The following RAB38 variants were observed in gnomAD, a reference collection of about 807,000 sequenced individuals.
RAB38 encodes ras-related protein Rab-38.
RAB38 carries 15 observed loss-of-function variants against 18.4 expected under a neutral mutation model. The observed-to-expected ratio is 0.82, with a 90% CI of 0.55 to 1.26. RAB38 has a LOEUF of 1.26. Among genes scored for constraint, RAB38 ranks in the 50% most tolerant of loss-of-function variants. RAB38 has a pLI of 0.00. For missense variants in RAB38, 294 were observed against 267.4 expected (o/e 1.10, Z -0.69); for synonymous variants, 101 against 104.4 (o/e 0.97, Z 0.20).
the RAB38 span, among the ~76,000 whole-genome samples, chr11:87,873,136 A>G: frequency 6.6e-6 from 1 of 151,574 alleles, no homozygotes; most frequent in Admixed American, 6.6e-5. Context: ...TCAATTTTTG[A>G]CAGTCTAACA....
the RAB38 span, among the ~76,000 whole-genome samples, chr11:87,878,272 AT>A: frequency 8.8e-6 from 1 of 113,838 alleles, no homozygotes; most frequent in Non-Finnish European, 1.8e-5. Flanking sequence ...CTATCTATCT[AT>A]CTATCTATCT....
the RAB38 span, among the ~76,000 whole-genome samples, chr11:88,006,596 T>C: frequency 7.3e-6 from 1 of 137,414 alleles, no homozygotes. Context: ...ATGTATATAA[T>C]ATATATACAC....
the RAB38 span, among the ~76,000 whole-genome samples, chr11:87,833,420 T>C: frequency 6.6e-6 from 1 of 152,174 alleles, no homozygotes; most frequent in Non-Finnish European, 1.5e-5. Context: ...AGCTTTCTCC[T>C]TCCTTTTTCC....
chr11:88,096,229 C>T, the RAB38 span, among the ~76,000 whole-genome samples: 1 of 151,898 alleles, frequency 6.6e-6, no homozygotes, highest in Non-Finnish European at 1.5e-5. Flanking sequence ...TCAGTGTCTT[C>T]AGGTCACATT....
chr11:87,922,778 T>C, the RAB38 span, among the ~76,000 whole-genome samples: 2 of 146,426 alleles, frequency 1.4e-5, no homozygotes, highest in African/African-American at 5.1e-5. Flanking sequence ...AGGAATAAAA[T>C]AAATAAGAAA....
the RAB38 span, among the ~76,000 whole-genome samples, chr11:87,959,863 C>A: frequency 1.3e-5 from 2 of 152,050 alleles, no homozygotes; most frequent in Non-Finnish European, 2.9e-5. Flanking sequence ...CTTAGATGAC[C>A]TTGTAGAAAA....
At chr11:87,827,991 C>A in the RAB38 span, among the ~76,000 whole-genome samples, 3 of 152,092 alleles carry the variant, frequency 2.0e-5, no homozygotes, top group South Asian at 2.1e-4. Context: ...TCAAATACAG[C>A]CAGGAGTTTA....
the RAB38 span, among the ~76,000 whole-genome samples, chr11:88,037,842 T>A: frequency 2.6e-5 from 4 of 152,276 alleles, no homozygotes; most frequent in African/African-American, 7.2e-5. Context: ...CTTATATATC[T>A]TCTTTGGGAA....
the RAB38 span, among the ~76,000 whole-genome samples, chr11:87,876,732 A>T: frequency 1.3e-5 from 2 of 151,556 alleles, no homozygotes; most frequent in Admixed American, 6.6e-5. Context: ...AATTCTAGTG[A>T]GGCCTGTATG....
At chr11:88,127,495 A>G (rs889383245) in intron 2 of RAB38, among the ~76,000 whole-genome samples, 2 of 152,210 alleles carry the variant, frequency 1.3e-5, no homozygotes, top group African/African-American at 2.4e-5. Context: ...TAGTGGTGGT[A>G]TAAGTGGGAG....
the RAB38 span, among the ~76,000 whole-genome samples, chr11:88,052,901 CATAT>C: frequency 6.4e-3 from 138 of 21,492 alleles, 1 homozygote; most frequent in East Asian, 0.015. Context: ...GAAAAAATTT[CATAT>C]ATATATATAT....
chr11:87,967,687 A>G, the RAB38 span, among the ~76,000 whole-genome samples: 4 of 152,184 alleles, frequency 2.6e-5, no homozygotes, highest in Admixed American at 6.6e-5. Flanking sequence ...CATTACTGAC[A>G]TTCCTGCCTA....
chr11:88,024,808 A>C, the RAB38 span, among the ~76,000 whole-genome samples: 1 of 152,192 alleles, frequency 6.6e-6, no homozygotes, highest in Admixed American at 6.5e-5. Context: ...TCTAAAAATC[A>C]AAACGATTGA....
the RAB38 span, among the ~76,000 whole-genome samples, chr11:87,915,176 G>C: frequency 4.6e-5 from 7 of 152,254 alleles, no homozygotes; most frequent in Admixed American, 4.6e-4. Flanking sequence ...TATGACAGCA[G>C]GCATGTGAGC....
the RAB38 span, among the ~76,000 whole-genome samples, chr11:87,832,379 C>T: frequency 6.6e-6 from 1 of 152,084 alleles, no homozygotes; most frequent in African/African-American, 2.4e-5. Context: ...TTCTGAAGTC[C>T]GGACCGGCTC....
the RAB38 span, among the ~76,000 whole-genome samples, chr11:87,895,782 C>T: frequency 6.1e-4 from 92 of 151,668 alleles, no homozygotes; most frequent in Admixed American, 1.2e-3. Flanking sequence ...AAAAATGAGA[C>T]ATAGGCTATG....
chr11:87,854,304 T>C, the RAB38 span, among the ~76,000 whole-genome samples: 1 of 152,220 alleles, frequency 6.6e-6, no homozygotes. Flanking sequence ...TAACTAGAAA[T>C]GTGGTATTCT....
At chr11:88,173,402 G>C (rs1214581207) in intron 1 of RAB38, among the ~76,000 whole-genome samples, 2 of 152,168 alleles carry the variant, frequency 1.3e-5, no homozygotes, top group African/African-American at 4.8e-5. Flanking sequence ...AAGGAGGTTA[G>C]AGAACTTACC....
chr11:88,164,497 G>C (rs151286564), intron 1 of RAB38, among the ~76,000 whole-genome samples: 1 of 151,984 alleles, frequency 6.6e-6, no homozygotes, highest in South Asian at 2.1e-4. Context: ...AGGAAATGAC[G>C]GTGGTATGGT....
Sources: allele counts gnomAD v4.1 joint callset (sites outside exome capture counted in the v4.1 genomes callset), GRCh38; gene constraint gnomAD v4.1.1; transcripts MANE v1.5; gene names NCBI Gene and HGNC (gene_info 2026-07-23, HGNC 2026-07-21).